KCNH8: variants seen among roughly 807,000 people sequenced by gnomAD.
KCNH8 encodes voltage-gated delayed rectifier potassium channel KCNH8.
Under a neutral mutation model 103.6 loss-of-function variants are expected in KCNH8, and 70 were observed. That is an observed-to-expected ratio of 0.68 (90% confidence interval 0.56 to 0.82). KCNH8 has a LOEUF of 0.82. Ranked by LOEUF, KCNH8 falls within the 40% of genes least tolerant of loss-of-function variation. The pLI is 0.00. For synonymous variants in KCNH8, 498 were observed against 489.4 expected, an observed-to-expected ratio of 1.02 and a Z score of -0.23; for missense variants, 1,217 against 1,329.9, an observed-to-expected ratio of 0.92 and a Z score of 1.32.
chr3:19,280,388 A>G (rs977351884), intron 2 of KCNH8, among the ~76,000 whole-genome samples: 3 of 152,096 alleles, frequency 2.0e-5, no homozygotes, highest in Admixed American at 1.3e-4. Context: ...AAACTTGACC[A>G]GCATCCTACA....
intron 11 of KCNH8, among the ~76,000 whole-genome samples, chr3:19,500,732 C>T (rs982972974): frequency 1.4e-4 from 22 of 152,112 alleles, no homozygotes; most frequent in South Asian, 4.2e-4. Context: ...TTGAAACCAA[C>T]GAGAACAAAG....
At chr3:19,512,048 T>TATAA (rs1290508360) in intron 12 of KCNH8, among the ~76,000 whole-genome samples, 1 of 152,196 alleles carries the variant, frequency 6.6e-6, no homozygotes, top group African/African-American at 2.4e-5. Context: ...TTATTTTTAT[T>TATAA]ATAAATTATT....
intron 14 of KCNH8, among the ~76,000 whole-genome samples, chr3:19,517,619 C>G (rs1048421660): frequency 1.3e-5 from 2 of 151,812 alleles, no homozygotes; most frequent in Non-Finnish European, 2.9e-5. Context: ...TAGAATGGAA[C>G]GAGAGAAGAA....
At chr3:19,330,435 C>G (rs1272144285) in intron 3 of KCNH8, among the ~76,000 whole-genome samples, 1 of 152,158 alleles carries the variant, frequency 6.6e-6, no homozygotes, top group African/African-American at 2.4e-5. Flanking sequence ...CTCACAGTAT[C>G]TTCCTTGTAA....
chr3:19,374,301 G>A (rs1361097067), intron 5 of KCNH8, among the ~76,000 whole-genome samples: 1 of 151,512 alleles, frequency 6.6e-6, no homozygotes, highest in South Asian at 2.1e-4. Flanking sequence ...TCCTGTATTG[G>A]GTGCATATCT....
chr3:19,284,748 C>T lies in KCNH8; in HGVS notation c.442+3419C>T, dbSNP rs73182718. 7.5e-3 allele frequency among the ~76,000 whole-genome samples: 1,131 copies of T among 151,598 alleles called. 14 individuals carry two copies. Among genetic ancestry groups the T allele is most frequent in the African/African-American group, 0.025 (1,024 of 41,320 alleles). On this transcript the variant is annotated intron_variant, in intron 3 of 15. Transcript: ENST00000328405. ...AATACGAGGCCCTGTTTATATCTTT[C>T]GGTATCAGTTAGGAAATACTTTGAT...
At position 19,280,640 on chromosome 3, in the gene KCNH8, T is replaced by C. The variant is rs185151280; in HGVS notation, c.311-558T>C. ...TAATGTTGTATTGTGAAACTAAATT[T>C]TAATACTACCTGTGTTTAAAGTAGA... On this transcript the variant is annotated intron_variant, in intron 2 of 15. Transcript: ENST00000328405. Among the ~76,000 whole-genome samples the C allele has an allele frequency of 9.7e-4, 148 of 152,280 alleles. No individual in the cohort carries two copies. In the Middle Eastern group the frequency reaches 0.017, roughly 17 times the overall value.
At chr3:19,417,387 T>G (rs1447729529) in intron 7 of KCNH8, among the ~76,000 whole-genome samples, 1 of 151,716 alleles carries the variant, frequency 6.6e-6, no homozygotes, top group Non-Finnish European at 1.5e-5. Context: ...GTTTGAAATA[T>G]AATAATGGTA....
At chr3:19,192,711 C>G (rs1233281363) in intron 1 of KCNH8, among the ~76,000 whole-genome samples, 1 of 151,612 alleles carries the variant, frequency 6.6e-6, no homozygotes, top group Non-Finnish European at 1.5e-5. Flanking sequence ...TCTAGTTAAA[C>G]AAATGGTATT....
intron 11 of KCNH8, among the ~76,000 whole-genome samples, chr3:19,506,732 T>C (rs1023417685): frequency 6.6e-6 from 1 of 152,058 alleles, no homozygotes; most frequent in African/African-American, 2.4e-5. Context: ...AGAGGGCCTT[T>C]CTCTCGTCTC....
At chr3:19,222,004 C>T (rs2063880869) in intron 1 of KCNH8, among the ~76,000 whole-genome samples, 1 of 152,182 alleles carries the variant, frequency 6.6e-6, no homozygotes. Flanking sequence ...CGTGCCACCA[C>T]ACCAGGCTAC....
intron 1 of KCNH8, among the ~76,000 whole-genome samples, chr3:19,211,281 T>C (rs1353208970): frequency 6.6e-6 from 1 of 152,206 alleles, no homozygotes; most frequent in East Asian, 1.9e-4. Flanking sequence ...GTGCATGATT[T>C]ATTTCCAAAT....
intron 8 of KCNH8, among the ~76,000 whole-genome samples, chr3:19,440,191 T>G (rs1452284008): frequency 2.6e-5 from 4 of 152,192 alleles, no homozygotes; most frequent in African/African-American, 4.8e-5. Context: ...GCATTTTACA[T>G]AATTTTTTAA....
chr3:19,261,677 A>G (rs977257958), intron 2 of KCNH8, among the ~76,000 whole-genome samples: 2 of 151,796 alleles, frequency 1.3e-5, no homozygotes, highest in African/African-American at 4.8e-5. Context: ...GCCAAGACCA[A>G]TGTCTTGGAG....
chr3:19,373,897 G>T (rs1279328295), intron 5 of KCNH8, among the ~76,000 whole-genome samples: 9 of 152,112 alleles, frequency 5.9e-5, no homozygotes, highest in Non-Finnish European at 1.3e-4. Context: ...AGGTTGTTCA[G>T]TTTCCATGTA....
intron 3 of KCNH8, among the ~76,000 whole-genome samples, chr3:19,311,401 G>A (rs1420910222): frequency 6.6e-6 from 1 of 151,586 alleles, no homozygotes; most frequent in Non-Finnish European, 1.5e-5. Context: ...AACCTGTACA[G>A]CCCGGTTGCA....
Position 19,513,098 on chromosome 3 carries a change from T to G in KCNH8, c.2208T>G (p.Ser736=). 1 of 1,613,700 alleles carries G rather than the reference T, an allele frequency of 6.2e-7. No individual in the cohort carries two copies. The highest frequency in any genetic ancestry group is 8.5e-7 in the Non-Finnish European group (1 of 1,179,790). The part of the protein sequence containing the change: ...SLSPICTRGS[S]SRNKKVGSNK... ...CTCCCATCTGCACAAGGGGATCTTC[T>G]TCGCGCAACAAGAAGGTTGGAAGCA... Residue 736 remains serine (S), a synonymous_variant, in exon 13 of 16, where the codon TCT becomes TCG. Transcript: ENST00000328405.
At position 19,517,908 on chromosome 3, in the gene KCNH8, G is replaced by A. The variant is rs1285719024; in HGVS notation, c.2543-90G>A. On this transcript the variant is annotated intron_variant, in intron 14 of 15. Transcript: ENST00000328405. The stretch of plus-strand genomic sequence containing the variant: ...ATCAGAAAAGGTTAAAAGTGATAGC[G>A]TGGACTTTCTTTCATATTCTAATTG... 3.8e-5 allele frequency: 39 copies of A among 1,025,210 alleles called. No individual in the cohort carries two copies. The East Asian group carries it at 6.2e-4, about 16-fold the overall frequency. 63.5% of individuals were successfully genotyped at this position (1,025,210 alleles called of 1,614,324 possible). A position where few individuals can be genotyped will look rare whatever the true frequency, so the allele number is the denominator to read the frequency against.
chr3:19,479,434 T>C (rs1286208083), intron 11 of KCNH8, among the ~76,000 whole-genome samples: 2 of 152,150 alleles, frequency 1.3e-5, no homozygotes, highest in African/African-American at 4.8e-5. Flanking sequence ...GCAAAGGAAA[T>C]ATAGTAGAGA....
Sources: allele counts gnomAD v4.1 joint callset (sites outside exome capture counted in the v4.1 genomes callset), GRCh38; gene constraint gnomAD v4.1.1; transcripts MANE v1.5; gene names NCBI Gene and HGNC (gene_info 2026-07-23, HGNC 2026-07-21).